Variants in ZFP62 observed in about 807,000 individuals in gnomAD.
ZFP62 encodes the protein zinc finger protein 62 homolog.
A neutral mutation model predicts 56.4 loss-of-function variants in ZFP62; 44 were observed. That is an observed-to-expected ratio of 0.78 (90% CI 0.61 to 1.00). The LOEUF (loss-of-function observed/expected upper bound fraction) is 1.00, where lower values mean the gene tolerates loss of function less well. ZFP62 is among the 50% of genes least tolerant of loss of function. The pLI, the probability that ZFP62 is intolerant of heterozygous loss-of-function variation, is 0.00. For synonymous variants in ZFP62, 421 were observed against 388.9 expected (o/e 1.08, Z -0.97); for missense variants, 1,030 against 1,085.7 (o/e 0.95, Z 0.72).
the ZFP62 span, among the ~76,000 whole-genome samples, chr5:180,837,066 C>A: frequency 6.6e-6 from 1 of 152,202 alleles, no homozygotes; most frequent in Non-Finnish European, 1.5e-5. Flanking sequence ...CGCCTGCTTC[C>A]CAGAGCAATG....
the ZFP62 span, among the ~76,000 whole-genome samples, chr5:180,828,587 C>T: frequency 6.6e-6 from 1 of 152,222 alleles, no homozygotes; most frequent in Non-Finnish European, 1.5e-5. Context: ...ATCTCTTAAT[C>T]CTGTTATCTT....
rs1561905868 is a variant in ZFP62 at position 180,851,211 on chromosome 5, T to C, written c.284A>G (p.His95Arg). The C allele has an allele frequency of 6.4e-7, 1 of 1,551,612 alleles. No individual in the cohort carries two copies. The highest frequency in any genetic ancestry group is 2.0e-5 in the Admixed American group (1 of 50,984). The change falls in exon 2 of 2, where the codon CAT becomes CGT. Residue 95 changes from histidine (H) to arginine (R), a missense_variant. His to Arg is a conservative substitution (Grantham distance 29). Coordinates refer to ENST00000502412, the MANE Select transcript of ZFP62 (RefSeq NM_001172638.2). ...QEGEASEKSL[H>R]LSPQHITHQT... is the part of the protein sequence containing the mutation. Reference sequence around the variant, plus strand: ...GTGTGTGATATGCTGTGGGCTCAGATGCAAGCTCTTCTCAGATGCCTCACC... The same window carrying C: ...GTGTGTGATATGCTGTGGGCTCAGACGCAAGCTCTTCTCAGATGCCTCACC...
rs1773606352 is a variant in ZFP62, at chr5:180,850,005, CCTTT to C, written c.1486_1489del (p.Lys496GlufsTer81). 1.9e-6 allele frequency: 3 copies of C among 1,551,576 alleles called. No homozygotes were observed. Among genetic ancestry groups the C allele is most frequent in the Non-Finnish European group, 2.6e-6 (3 of 1,147,012 alleles). Reference sequence around the variant, plus strand: ...ATAGGGCTTCTCCCCAAGGTGGATTCCTTTGTGATTTTTAAGGCTAGAGCGTGAG... The same window carrying C: ...ATAGGGCTTCTCCCCAAGGTGGATTCGTGATTTTTAAGGCTAGAGCGTGAG... On this transcript the variant is annotated frameshift_variant, in exon 2 of 2. Coordinates refer to ENST00000502412, the MANE Select transcript of ZFP62 (RefSeq NM_001172638.2). LOFTEE classifies it high-confidence loss of function.
intron 1 of ZFP62, chr5:180,852,007 A>G (rs1448618566): frequency 4.8e-5 from 47 of 987,134 alleles, no homozygotes; most frequent in Middle Eastern, 5.2e-4. Flanking sequence ...GGTATCAGGG[A>G]GAAGGCTATG....
chr5:180,857,847 G>A (rs1033820606), intron 1 of ZFP62, among the ~76,000 whole-genome samples: 1 of 151,252 alleles, frequency 6.6e-6, no homozygotes, highest in Non-Finnish European at 1.5e-5. Flanking sequence ...GAAATGGCAT[G>A]GAATCTGGAA....
chr5:180,832,168 T>C, the ZFP62 span, among the ~76,000 whole-genome samples: 2 of 152,322 alleles, frequency 1.3e-5, no homozygotes, highest in African/African-American at 4.8e-5. Flanking sequence ...TTTCTTTTTT[T>C]CTTTGAGACA....
chr5:180,851,222 C>T lies in ZFP62; in HGVS notation c.273G>A (p.Glu91=), dbSNP rs146692011. 128 of 1,551,674 alleles carry T rather than the reference C, an allele frequency of 8.2e-5. 2 individuals are homozygous for T. In the African/African-American group the frequency reaches 1.5e-3, roughly 18 times the overall value. The change falls in exon 2 of 2, where the codon GAG becomes GAA. Residue 91 remains glutamate, a synonymous_variant. Coordinates refer to ENST00000502412, the MANE Select transcript of ZFP62 (RefSeq NM_001172638.2). ...GCTGTGGGCTCAGATGCAAGCTCTT[C>T]TCAGATGCCTCACCTTCCTGTTCTG... The part of the protein sequence containing the change: ...IKTEQEGEAS[E]KSLHLSPQHI...
chr5:180,855,286 G>A (rs2619760), intron 1 of ZFP62, among the ~76,000 whole-genome samples: 149,404 of 152,324 alleles, frequency 0.98, 73,281 homozygotes, highest in East Asian at 1. Flanking sequence ...AGTTTTTAAA[G>A]TATCAGAAAG....
In ZFP62 at chr5:180,851,346, T is replaced by G. The variant is rs1371751443; in HGVS notation, c.149A>C (p.Glu50Ala). 1 of 1,551,596 alleles carries G rather than the reference T, an allele frequency of 6.4e-7. No homozygotes were observed. Among genetic ancestry groups the G allele is most frequent in the Non-Finnish European group, 8.7e-7 (1 of 1,147,012 alleles). The part of the protein sequence containing the change: ...GDTCVWDSKV[E>A]NQQKKPVENR... ...TTCCACAGGCTTTTTCTGTTGATTC[T>G]CTACCTTGCTATCCCAAACACATGT... The change falls in exon 2 of 2, where the codon GAG becomes GCG. Residue 50 changes from glutamate to alanine, a missense_variant. Coordinates refer to ENST00000502412, the MANE Select transcript of ZFP62 (RefSeq NM_001172638.2).
At chr5:180,855,703 C>T (rs552169915) in intron 1 of ZFP62, among the ~76,000 whole-genome samples, 1 of 152,250 alleles carries the variant, frequency 6.6e-6, no homozygotes, top group African/African-American at 2.4e-5. Context: ...CCCCTAGGAC[C>T]GCTGATTCTA....
rs758020859 is a variant in ZFP62, at chr5:180,850,796, G to A, written c.699C>T (p.Ser233=). The change falls in exon 2 of 2, where the codon TCC becomes TCT. Residue 233 remains serine (S), a synonymous_variant. Coordinates refer to ENST00000502412, the MANE Select transcript of ZFP62 (RefSeq NM_001172638.2). ...GGTCCAGAACAGAGCTATAATTGAA[G>A]GATTTTCCACATTCATCACATTTAC... ...KNCKCDECGK[S]FNYSSVLDQH... 1 of 1,582,664 alleles carries A rather than the reference G, an allele frequency of 6.3e-7. No homozygotes were observed. Among genetic ancestry groups the A allele is most frequent in the African/African-American group, 1.4e-5 (1 of 73,922 alleles).
chr5:180,854,729 A>C (rs1773884038), intron 1 of ZFP62, among the ~76,000 whole-genome samples: 1 of 152,216 alleles, frequency 6.6e-6, no homozygotes, highest in Admixed American at 6.5e-5. Flanking sequence ...GAACTGAATC[A>C]CCAGGTAAAC....
downstream of ZFP62, among the ~76,000 whole-genome samples, chr5:180,846,931 C>G (rs1441087227): frequency 6.6e-6 from 1 of 152,206 alleles, no homozygotes; most frequent in Non-Finnish European, 1.5e-5. Flanking sequence ...CAAGTATGAT[C>G]AGAACAGTCC....
chr5:180,851,487 TG>T lies in ZFP62; in HGVS notation c.7del (p.His3IlefsTer2). 1 of 1,537,234 alleles carries T rather than the reference TG, an allele frequency of 6.5e-7. No individual in the cohort carries two copies. Among genetic ancestry groups the T allele is most frequent in the Non-Finnish European group, 8.8e-7 (1 of 1,140,176 alleles). MS[H>X]LKTSTEDEEP... ...CTCATCCTCAGTGCTCGTCTTCAAA[TG>T]TGACACTAAACCAAGAAAATGAAAA... is the stretch of plus-strand genomic sequence containing the variant. On this transcript the variant is annotated frameshift_variant, in exon 2 of 2. Transcript: ENST00000502412. LOFTEE classifies it high-confidence loss of function.
intron 1 of ZFP62, chr5:180,852,121 G>A: frequency 1.4e-6 from 1 of 690,592 alleles, no homozygotes; most frequent in Non-Finnish European, 1.8e-6. Context: ...CTGGTACATA[G>A]ACAGGCAAAT....
At chr5:180,844,684 C>G (rs1478371605), downstream of ZFP62, among the ~76,000 whole-genome samples, 5 of 152,130 alleles carry the variant, frequency 3.3e-5, no homozygotes, top group Admixed American at 1.3e-4. Flanking sequence ...CTTTTGCAGC[C>G]CGACAAAGAC....
At chr5:180,858,282 A>AAAAAAAAAAAAAAAAAAG (rs1561911044) in intron 1 of ZFP62, among the ~76,000 whole-genome samples, 1 of 138,052 alleles carries the variant, frequency 7.2e-6, no homozygotes, top group African/African-American at 2.6e-5. Flanking sequence ...AAAAAAAGAA[A>AAAAAAAAAAAAAAAAAAG]AAAAGAAAAG....
At chr5:180,837,281 C>T in the ZFP62 span, among the ~76,000 whole-genome samples, 1 of 152,256 alleles carries the variant, frequency 6.6e-6, no homozygotes, top group Non-Finnish European at 1.5e-5. Context: ...TCTGCTTTTT[C>T]ATACAATGGC....
At position 180,850,530 on chromosome 5, in the gene ZFP62, C is replaced by T; in HGVS notation, c.965G>A (p.Arg322Lys). ...DECGKAFITC[R>K]TLLNHKSIHF... ...GATGCTTTTATGGTTGAGAAGTGTT[C>T]TACAAGTAATGAAGGCCTTCCCACA... Residue 322 changes from arginine to lysine, a missense_variant, in exon 2 of 2, where the codon AGA becomes AAA. Transcript: ENST00000502412. 6.4e-7 allele frequency: 1 copy of T among 1,553,946 alleles called. No homozygotes were observed. The highest frequency in any genetic ancestry group is 1.2e-5 in the South Asian group (1 of 84,240).
Sources: gnomAD v4.1 joint callset for allele counts (sites outside exome capture counted in the v4.1 genomes callset) on GRCh38, gnomAD v4.1.1 for gene constraint, MANE v1.5 for transcripts, NCBI Gene and HGNC (gene_info 2026-07-23, HGNC 2026-07-21) for gene names.